The following CEP112 variants were observed in gnomAD, a reference collection of about 807,000 sequenced individuals.
The protein encoded by CEP112 is centrosomal protein 112, also known as centrosomal protein of 112 kDa.
In CEP112, 127 loss-of-function variants were observed where a neutral mutation model predicts 153.0. The ratio of observed to expected loss-of-function variants is 0.83; its 90% CI spans 0.72 to 0.96. The LOEUF (loss-of-function observed/expected upper bound fraction) is 0.96, where lower values mean the gene tolerates loss of function less well. CEP112 is among the 40% of genes least tolerant of loss of function. The pLI is 0.00. For missense variants in CEP112, 1,089 were observed against 1,101.2 expected, an observed-to-expected ratio of 0.99 and a Z score of 0.16; for synonymous variants, 358 against 374.4, an observed-to-expected ratio of 0.96 and a Z score of 0.51.
intron 23 of CEP112, among the ~76,000 whole-genome samples, chr17:65,736,745 T>C (rs1016630822): frequency 6.6e-6 from 1 of 152,174 alleles, no homozygotes; most frequent in African/African-American, 2.4e-5. Context: ...CTAGAGTTAG[T>C]ATGTAATTTC....
chr17:65,957,941 T>G (rs1310109063), intron 18 of CEP112, among the ~76,000 whole-genome samples: 1 of 152,210 alleles, frequency 6.6e-6, no homozygotes, highest in Non-Finnish European at 1.5e-5. Context: ...ACTCTTGCTA[T>G]TCATCTACTT....
chr17:65,891,310 A>G lies in CEP112; in HGVS notation c.2163+10842T>C, dbSNP rs371906417. On this transcript the variant is annotated intron_variant, in intron 20 of 26. Coordinates refer to ENST00000535342, the MANE Select transcript of CEP112 (RefSeq NM_001199165.4). ...TGGGCCCATGCTTTAATTATTATCT[A>G]TATGCTCAGTTCGCATCTCTGGAAT... Among the ~76,000 whole-genome samples the G allele has an allele frequency of 3.0e-4, 45 of 152,258 alleles. 1 individual carries two copies. Among genetic ancestry groups the G allele is most frequent in the African/African-American group, 1.1e-3 (45 of 41,548 alleles).
intron 21 of CEP112, among the ~76,000 whole-genome samples, chr17:65,771,655 C>A (rs576506676): frequency 6.6e-6 from 1 of 152,106 alleles, no homozygotes; most frequent in South Asian, 2.1e-4. Context: ...AATTAGAAAT[C>A]CATAACAGAA....
At chr17:65,932,320 G>T in intron 18 of CEP112, among the ~76,000 whole-genome samples, 1 of 152,120 alleles carries the variant, frequency 6.6e-6, no homozygotes, top group South Asian at 2.1e-4. Flanking sequence ...TTCATCAAAC[G>T]TACAGACATG....
chr17:65,687,059 C>T (rs1348328898), intron 24 of CEP112, among the ~76,000 whole-genome samples: 5 of 151,188 alleles, frequency 3.3e-5, no homozygotes, highest in Non-Finnish European at 7.4e-5. Context: ...TAATACTGAT[C>T]TTACATGGTT....
chr17:65,710,379 T>C (rs1023234390), intron 23 of CEP112, among the ~76,000 whole-genome samples: 2 of 152,242 alleles, frequency 1.3e-5, no homozygotes, highest in African/African-American at 2.4e-5. Flanking sequence ...TATCTTTTTT[T>C]CTGTGATTTT....
chr17:66,156,936 C>G (rs1017766919), intron 4 of CEP112, among the ~76,000 whole-genome samples: 15 of 152,074 alleles, frequency 9.9e-5, no homozygotes, highest in African/African-American at 3.1e-4. Flanking sequence ...AGAATGGAAC[C>G]AAGTTGGAAA....
intron 24 of CEP112, among the ~76,000 whole-genome samples, chr17:65,678,098 G>T (rs1475773392): frequency 1.3e-5 from 2 of 152,076 alleles, no homozygotes; most frequent in African/African-American, 4.8e-5. Context: ...AACATGACAA[G>T]CACAATCAGT....
intron 4 of CEP112, among the ~76,000 whole-genome samples, chr17:66,161,522 A>G (rs571531604): frequency 4.6e-5 from 7 of 152,312 alleles, no homozygotes. Flanking sequence ...GGATGAGTTC[A>G]TGTCCTTTGC....
chr17:65,936,012 A>G (rs2061293593), intron 18 of CEP112, among the ~76,000 whole-genome samples: 1 of 152,146 alleles, frequency 6.6e-6, no homozygotes, highest in South Asian at 2.1e-4. Context: ...TAGCTTGACT[A>G]AGAATAAAAG....
chr17:66,162,881 G>A (rs554774275), intron 4 of CEP112, among the ~76,000 whole-genome samples: 33 of 152,202 alleles, frequency 2.2e-4, no homozygotes, highest in Admixed American at 3.9e-4. Context: ...GATGTGTCTT[G>A]TTGTATGTGT....
chr17:66,174,272 T>C (rs1469209820), intron 4 of CEP112, among the ~76,000 whole-genome samples: 1 of 152,196 alleles, frequency 6.6e-6, no homozygotes, highest in Non-Finnish European at 1.5e-5. Flanking sequence ...GAAAAACATA[T>C]AAACAGACTA....
intron 21 of CEP112, among the ~76,000 whole-genome samples, chr17:65,823,215 C>T (rs1188808616): frequency 6.6e-6 from 1 of 151,818 alleles, no homozygotes; most frequent in African/African-American, 2.4e-5. Context: ...ACAAAGAAAC[C>T]ATCATAGGCA....
At chr17:65,656,703 AC>A (rs770034812) in intron 24 of CEP112, among the ~76,000 whole-genome samples, 10 of 152,004 alleles carry the variant, frequency 6.6e-5, no homozygotes, top group Non-Finnish European at 1.2e-4. Flanking sequence ...AAGTTGGCTG[AC>A]CCCTGTGACT....
Position 66,005,768 on chromosome 17 carries a change from G to A in CEP112, c.1658C>T (p.Ala553Val), listed in dbSNP as rs780869640. The part of the protein sequence containing the change: ...SHLKHIYEKK[A>V]HDLQSELDKG... ...ATCAAGTTCACTCTGCAAGTCATGA[G>A]CCTGCCATGACAAGAACATGGAAAA... Residue 553 changes from alanine (A) to valine (V), a missense_variant and splice_region_variant, in exon 17 of 27, where the codon GCT becomes GTT. Transcript: ENST00000535342. 1.3e-6 allele frequency: 2 copies of A among 1,596,640 alleles called. No individual in the cohort carries two copies. Among genetic ancestry groups the A allele is most frequent in the South Asian group, 1.1e-5 (1 of 87,496 alleles).
At chr17:65,785,710 A>T (rs1341074656) in intron 21 of CEP112, among the ~76,000 whole-genome samples, 2 of 152,150 alleles carry the variant, frequency 1.3e-5, no homozygotes, top group Non-Finnish European at 2.9e-5. Flanking sequence ...CTGAAATGTC[A>T]TGAAAATTTA....
chr17:65,902,153 T>C lies in CEP112; in HGVS notation c.2162A>G (p.Gln721Arg). Reference protein sequence around the residue: ...QIQEFKKRDAQVIADMEAQVH... With the variant: ...QIQEFKKRDARVIADMEAQVH... The stretch of plus-strand genomic sequence containing the variant: ...TTATCAAATATTATTGATAATTACC[T>C]GTGCATCTCGTTTCTTGAACTCCTG... The change falls in exon 20 of 27, where the codon CAG becomes CGG. Residue 721 changes from glutamine (Q) to arginine (R), a missense_variant and splice_region_variant. Physicochemically the swap from Gln to Arg is conservative, Grantham distance 43 (BLOSUM62 1). Transcript: ENST00000535342. 1 of 1,608,360 alleles carries C rather than the reference T, an allele frequency of 6.2e-7. No individual in the cohort carries two copies. The highest frequency in any genetic ancestry group is 8.5e-7 in the Non-Finnish European group (1 of 1,175,508).
At chr17:66,008,389 T>C (rs1173895960) in intron 16 of CEP112, among the ~76,000 whole-genome samples, 1 of 152,148 alleles carries the variant, frequency 6.6e-6, no homozygotes, top group East Asian at 1.9e-4. Context: ...AGGGTCTCAC[T>C]GCCACCCAGG....
intron 20 of CEP112, among the ~76,000 whole-genome samples, chr17:65,874,878 G>A (rs1000612246): frequency 4.6e-5 from 7 of 151,860 alleles, no homozygotes; most frequent in African/African-American, 9.7e-5. Flanking sequence ...TCTTTACATC[G>A]TAATCAAAAA....
Sources: allele counts gnomAD v4.1 joint callset (sites outside exome capture counted in the v4.1 genomes callset), GRCh38; gene constraint gnomAD v4.1.1; transcripts MANE v1.5; gene names NCBI Gene and HGNC (gene_info 2026-07-23, HGNC 2026-07-21).